The following ADTRP variants were observed in gnomAD, a reference collection of about 807,000 sequenced individuals.
ADTRP encodes the protein androgen dependent TFPI regulating protein.
ADTRP carries 20 observed loss-of-function variants against 27.0 expected under a neutral mutation model. That is an observed-to-expected ratio of 0.74 (90% CI 0.52 to 1.08). The LOEUF (loss-of-function observed/expected upper bound fraction) is 1.08, where lower values mean the gene tolerates loss of function less well. Among genes scored for constraint, ADTRP ranks in the 50% least tolerant of loss-of-function variants. The probability of loss-of-function intolerance (pLI) is 0.00; values close to 1 mark genes in which losing one functional copy is unlikely to be tolerated. For synonymous variants in ADTRP, 101 were observed against 105.2 expected (o/e 0.96, Z 0.25); for missense variants, 251 against 275.0 (o/e 0.91, Z 0.62).
intron 3 of ADTRP, among the ~76,000 whole-genome samples, chr6:11,748,488 G>T (rs1327811623): frequency 2.6e-5 from 4 of 152,356 alleles, no homozygotes; most frequent in African/African-American, 9.6e-5. Context: ...TGTGTGAGGT[G>T]CTAAGGATCA....
At chr6:11,778,069 G>A (rs1207287380) in intron 1 of ADTRP, among the ~76,000 whole-genome samples, 1 of 152,184 alleles carries the variant, frequency 6.6e-6, no homozygotes, top group East Asian at 1.9e-4. Context: ...ATTCGGTTGG[G>A]TGATTTGTCC....
At chr6:11,776,512 C>T (rs1403443225) in intron 1 of ADTRP, among the ~76,000 whole-genome samples, 1 of 152,138 alleles carries the variant, frequency 6.6e-6, no homozygotes, top group African/African-American at 2.4e-5. Flanking sequence ...AACAATACTA[C>T]ATATAAATCA....
intron 3 of ADTRP, chr6:11,754,912 C>T: frequency 1.9e-6 from 1 of 539,198 alleles, no homozygotes; most frequent in Non-Finnish European, 2.4e-6. Context: ...GCAGGCTGCT[C>T]TCGGGGATTT....
intron 3 of ADTRP, among the ~76,000 whole-genome samples, chr6:11,761,381 G>A (rs1763385605): frequency 6.6e-6 from 1 of 152,170 alleles, no homozygotes; most frequent in Non-Finnish European, 1.5e-5. Flanking sequence ...GTTCATTGCT[G>A]CATTTTCAGC....
At chr6:11,767,630 G>A (rs1763617151) in intron 2 of ADTRP, 1 of 152,194 alleles carries the variant, frequency 6.6e-6, no homozygotes, top group African/African-American at 2.4e-5. Context: ...CAATGTCATA[G>A]AAATGTGGAT....
chr6:11,769,509 C>T (rs1763694972), intron 1 of ADTRP, among the ~76,000 whole-genome samples: 1 of 152,148 alleles, frequency 6.6e-6, no homozygotes, highest in Non-Finnish European at 1.5e-5. Context: ...GACCTCCATC[C>T]TATCCCAGAC....
intron 3 of ADTRP, among the ~76,000 whole-genome samples, chr6:11,744,837 CTG>C (rs1762817878): frequency 6.6e-6 from 1 of 152,222 alleles, no homozygotes; most frequent in Non-Finnish European, 1.5e-5. Context: ...TTTTGGGAAA[CTG>C]TGTCTCAGGG....
chr6:11,771,593 C>A (rs1229118864), intron 1 of ADTRP, among the ~76,000 whole-genome samples: 1 of 152,220 alleles, frequency 6.6e-6, no homozygotes, highest in Non-Finnish European at 1.5e-5. Flanking sequence ...ATGAGCTTGA[C>A]TCACGATAAC....
rs971883124 is a variant in ADTRP, at chr6:11,763,981, C to T, written c.390+2293G>A. 6.6e-5 allele frequency among the ~76,000 whole-genome samples: 10 copies of T among 152,178 alleles called. No individual in the cohort carries two copies. In the East Asian group the frequency reaches 1.7e-3, roughly 26 times the overall value. On this transcript the variant is annotated intron_variant, in intron 3 of 5. Transcript: ENST00000414691. ...AATCAAACTAAGAGAAACACAGAAA[C>T]ATCTGTATATGACCTGGGGTAGCTT...
intron 3 of ADTRP, among the ~76,000 whole-genome samples, chr6:11,749,358 A>AT (rs541437855): frequency 4.3e-4 from 66 of 152,188 alleles, no homozygotes; most frequent in Admixed American, 8.5e-4. Context: ...AGCTCTGTAC[A>AT]TGTTGATTCA....
At chr6:11,735,094 C>T (rs1438957686) in intron 4 of ADTRP, among the ~76,000 whole-genome samples, 1 of 152,174 alleles carries the variant, frequency 6.6e-6, no homozygotes, top group East Asian at 1.9e-4. Flanking sequence ...CAAATGCCTT[C>T]TAGGAGCTCT....
intron 4 of ADTRP, among the ~76,000 whole-genome samples, chr6:11,731,967 T>G (rs1458870564): frequency 6.6e-6 from 1 of 152,128 alleles, no homozygotes; most frequent in African/African-American, 2.4e-5. Context: ...CATTTCTATT[T>G]TTTTGCTCCT....
At chr6:11,751,885 C>G (rs1763066460) in intron 3 of ADTRP, among the ~76,000 whole-genome samples, 1 of 152,170 alleles carries the variant, frequency 6.6e-6, no homozygotes, top group Non-Finnish European at 1.5e-5. Context: ...CCTGGCTTTG[C>G]TATTGCTATG....
At chr6:11,753,699 G>A (rs1184481227) in intron 3 of ADTRP, among the ~76,000 whole-genome samples, 1 of 152,142 alleles carries the variant, frequency 6.6e-6, no homozygotes, top group African/African-American at 2.4e-5. Context: ...CTGTTAGATA[G>A]GTTAAGTATT....
At chr6:11,765,319 GTTTGTTTTTTTTTT>G (rs1303089332) in intron 3 of ADTRP, among the ~76,000 whole-genome samples, 4 of 112,526 alleles carry the variant, frequency 3.6e-5, no homozygotes, top group Admixed American at 1.1e-4. Flanking sequence ...CTTTCCCCTG[GTTTGTTTTTTTTTT>G]TTTTTTTTTT....
At chr6:11,757,710 TGTCATGTGATGACA>T (rs1763258501) in intron 3 of ADTRP, among the ~76,000 whole-genome samples, 1 of 152,128 alleles carries the variant, frequency 6.6e-6, no homozygotes, top group Non-Finnish European at 1.5e-5. Context: ...ACAGGGGAAA[TGTCATGTGATGACA>T]GGGCAGAGAC....
chr6:11,771,485 G>A (rs752724152), intron 1 of ADTRP, among the ~76,000 whole-genome samples: 1 of 152,346 alleles, frequency 6.6e-6, no homozygotes, highest in Non-Finnish European at 1.5e-5. Flanking sequence ...CCATGGGGAG[G>A]CTTCCAGGAG....
rs539485226 is a variant in ADTRP at position 11,743,234 on chromosome 6, T to C, written c.391-7551A>G. Among the ~76,000 whole-genome samples, 34 of 152,384 alleles carry C rather than the reference T, an allele frequency of 2.2e-4. No individual in the cohort carries two copies. The South Asian group carries it at 7.0e-3, about 32-fold the overall frequency. On this transcript the variant is annotated intron_variant, in intron 3 of 5. Transcript: ENST00000414691. ...TCCTTTTCTTAAAGAGATGATAAACTCTTTGAGGGCAAAGCTCTCATTTAT... is the reference window on the plus strand; with the variant it reads ...TCCTTTTCTTAAAGAGATGATAAACCCTTTGAGGGCAAAGCTCTCATTTAT...
intron 5 of ADTRP, among the ~76,000 whole-genome samples, chr6:11,715,742 C>G (rs979739524): frequency 7.2e-6 from 1 of 139,478 alleles, no homozygotes; most frequent in East Asian, 2.1e-4. Flanking sequence ...AGCTCCTGGG[C>G]TGAAGTCCTC....
Sources: gnomAD v4.1 joint callset for allele counts (sites outside exome capture counted in the v4.1 genomes callset) on GRCh38, gnomAD v4.1.1 for gene constraint, MANE v1.5 for transcripts, NCBI Gene and HGNC (gene_info 2026-07-23, HGNC 2026-07-21) for gene names.